Variants in ITFG1 observed in about 807,000 individuals in gnomAD.
The protein encoded by ITFG1 is integrin alpha FG-GAP repeat containing 1.
In ITFG1, 34 loss-of-function variants were observed where a neutral mutation model predicts 81.8. The ratio of observed to expected loss-of-function variants is 0.42; its 90% confidence interval spans 0.32 to 0.55. The LOEUF is 0.55. ITFG1 is among the 20% of genes least tolerant of loss of function. The pLI, the probability that ITFG1 is intolerant of heterozygous loss-of-function variation, is 0.17. For synonymous variants in ITFG1, 285 were observed against 270.6 expected (o/e 1.05, Z -0.52); for missense variants, 672 against 755.4 (o/e 0.89, Z 1.29).
At chr16:47,286,269 G>C (rs1039302999) in intron 10 of ITFG1, among the ~76,000 whole-genome samples, 1 of 152,176 alleles carries the variant, frequency 6.6e-6, no homozygotes, top group African/African-American at 2.4e-5. Flanking sequence ...CAGAGGCTGG[G>C]ACTTTAACTG....
intron 8 of ITFG1, among the ~76,000 whole-genome samples, chr16:47,343,640 A>G (rs1385294089): frequency 6.6e-6 from 1 of 152,184 alleles, no homozygotes; most frequent in Non-Finnish European, 1.5e-5. Flanking sequence ...CACAAATGAA[A>G]GCCACAACGA....
In ITFG1 at chr16:47,275,810, A is replaced by G. The variant is rs550090134; in HGVS notation, c.1071-15115T>C. ...GATTCTGCCACATATCAAAATGCAAACAGTGATCATCTCTGGGTGATTTTT... is the reference window on the plus strand; with the variant it reads ...GATTCTGCCACATATCAAAATGCAAGCAGTGATCATCTCTGGGTGATTTTT... On this transcript the variant is annotated intron_variant, in intron 10 of 17. Coordinates refer to ENST00000320640, the MANE Select transcript of ITFG1 (RefSeq NM_030790.5). Among the ~76,000 whole-genome samples, 15 of 152,270 alleles carry G rather than the reference A, an allele frequency of 9.9e-5. No individual in the cohort carries two copies. The East Asian group carries it at 2.9e-3, about 29-fold the overall frequency.
intron 6 of ITFG1, among the ~76,000 whole-genome samples, chr16:47,379,705 G>C (rs1968371838): frequency 6.7e-6 from 1 of 148,942 alleles, no homozygotes; most frequent in South Asian, 2.1e-4. Context: ...AAAAAAAAAA[G>C]AGATTCTGTA....
intron 8 of ITFG1, among the ~76,000 whole-genome samples, chr16:47,328,999 A>C (rs1967601437): frequency 6.6e-6 from 1 of 152,184 alleles, no homozygotes; most frequent in African/African-American, 2.4e-5. Context: ...GCCTAAGACC[A>C]AAAGAACAGA....
At chr16:47,414,490 C>A (rs1434835086) in intron 6 of ITFG1, among the ~76,000 whole-genome samples, 4 of 152,124 alleles carry the variant, frequency 2.6e-5, no homozygotes, top group Admixed American at 2.6e-4. Flanking sequence ...CCCGACACTG[C>A]ACTCAAGCCT....
chr16:47,282,401 G>A (rs1014577731), intron 10 of ITFG1, among the ~76,000 whole-genome samples: 1 of 152,030 alleles, frequency 6.6e-6, no homozygotes, highest in Non-Finnish European at 1.5e-5. Flanking sequence ...CCATGTTGCT[G>A]CAAAAGACAC....
At chr16:47,272,166 C>A (rs1966349530) in intron 10 of ITFG1, among the ~76,000 whole-genome samples, 1 of 152,060 alleles carries the variant, frequency 6.6e-6, no homozygotes, top group Admixed American at 6.6e-5. Flanking sequence ...TAAAGTAACA[C>A]ATATTGTATA....
At chr16:47,185,950 T>C (rs1337937969) in intron 14 of ITFG1, among the ~76,000 whole-genome samples, 2 of 152,120 alleles carry the variant, frequency 1.3e-5, no homozygotes, top group Non-Finnish European at 2.9e-5. Context: ...CCCACAGAAA[T>C]ACAAACTACC....
In ITFG1 at chr16:47,376,964, C is replaced by CAAAAAAAAAAAAAAAAAAAAAAAAA. The variant is rs1222007051; in HGVS notation, c.656-1049_656-1025dup. Among the ~76,000 whole-genome samples the CAAAAAAAAAAAAAAAAAAAAAAAAA allele has an allele frequency of 5.5e-4, 10 of 18,074 alleles. 4 individuals are homozygous for CAAAAAAAAAAAAAAAAAAAAAAAAA. Among genetic ancestry groups the CAAAAAAAAAAAAAAAAAAAAAAAAA allele is most frequent in the African/African-American group, 1.2e-3 (10 of 8,054 alleles). The allele number at this position is 18,074 out of a possible 152,430, so 11.9% of individuals were successfully genotyped here. ...GAGACAGAGGGAGACTCTGTCTCCC[C>CAAAAAAAAAAAAAAAAAAAAAAAAA]AAAAAAAAAAAAAAAAAAAAAAAAA... is the stretch of plus-strand genomic sequence containing the variant. On this transcript the variant is annotated intron_variant, in intron 6 of 17. Transcript: ENST00000320640.
intron 8 of ITFG1, among the ~76,000 whole-genome samples, chr16:47,337,649 T>C (rs1967724879): frequency 6.6e-6 from 1 of 152,194 alleles, no homozygotes; most frequent in Non-Finnish European, 1.5e-5. Flanking sequence ...GTGAACAAAC[T>C]GAAATGTCTG....
chr16:47,161,715 T>G, intron 16 of ITFG1, 35 bp downstream of exon 16: 1 of 1,268,636 alleles, frequency 7.9e-7, no homozygotes, highest in Non-Finnish European at 1.2e-6. Flanking sequence ...GAGTTAGCAG[T>G]GTCTTTACCA....
intron 15 of ITFG1, 113 bp from the exon 16 acceptor site, chr16:47,161,945 T>A: frequency 1.4e-6 from 1 of 701,580 alleles, no homozygotes; most frequent in South Asian, 1.9e-5. Flanking sequence ...ATTCTAGGTA[T>A]GGATTAAGCT....
At chr16:47,349,086 G>C (rs1967907366) in intron 8 of ITFG1, among the ~76,000 whole-genome samples, 1 of 152,126 alleles carries the variant, frequency 6.6e-6, no homozygotes, top group Non-Finnish European at 1.5e-5. Flanking sequence ...GGAACAACCG[G>C]TACCAGCCAC....
intron 6 of ITFG1, 50 bp downstream of exon 6, chr16:47,428,754 C>T (rs1969055415): frequency 1.9e-6 from 2 of 1,079,372 alleles, no homozygotes; most frequent in African/African-American, 1.6e-5. Flanking sequence ...AAATAAAATC[C>T]CATACTTCTT....
intron 6 of ITFG1, among the ~76,000 whole-genome samples, chr16:47,412,695 CAAAA>C (rs34669796): frequency 1.9e-5 from 2 of 106,104 alleles, no homozygotes. Flanking sequence ...GACTCTGTCT[CAAAA>C]AAAAAAAAAA....
At chr16:47,429,775 ATG>A (rs1394406239) in intron 5 of ITFG1, among the ~76,000 whole-genome samples, 1 of 152,126 alleles carries the variant, frequency 6.6e-6, no homozygotes, top group African/African-American at 2.4e-5. Context: ...TGTGTTATGT[ATG>A]TTATGTATTG....
chr16:47,259,778 A>C (rs1966183877), intron 11 of ITFG1, among the ~76,000 whole-genome samples: 1 of 152,148 alleles, frequency 6.6e-6, no homozygotes, highest in Non-Finnish European at 1.5e-5. Context: ...GGAAAACTGG[A>C]ACCTTAAAGC....
At chr16:47,180,034 A>G (rs1965085821) in intron 14 of ITFG1, among the ~76,000 whole-genome samples, 1 of 152,202 alleles carries the variant, frequency 6.6e-6, no homozygotes, top group African/African-American at 2.4e-5. Flanking sequence ...AGACAGAAAG[A>G]AGTTTCATTA....
At chr16:47,313,963 T>A in intron 8 of ITFG1, 140 bp from the exon 9 acceptor site, 1 of 508,220 alleles carries the variant, frequency 2.0e-6, no homozygotes. Flanking sequence ...TCAAAATGAA[T>A]ATGATTTTAT....
Sources: gnomAD v4.1 joint callset for allele counts (sites outside exome capture counted in the v4.1 genomes callset) on GRCh38, gnomAD v4.1.1 for gene constraint, MANE v1.5 for transcripts, NCBI Gene and HGNC (gene_info 2026-07-23, HGNC 2026-07-21) for gene names.